The following MLLT10 variants were observed in gnomAD, a reference collection of about 807,000 sequenced individuals.
MLLT10 encodes the protein MLLT10 histone lysine methyltransferase DOT1L cofactor.
MLLT10 carries 30 observed loss-of-function variants against 129.1 expected under a neutral mutation model. The ratio of observed to expected loss-of-function variants is 0.23; its 90% CI spans 0.17 to 0.32. The LOEUF is 0.32. MLLT10 is among the 10% of genes least tolerant of loss of function. The pLI is 1.00. For synonymous variants in MLLT10, 490 were observed against 446.4 expected (o/e 1.10, Z -1.23); for missense variants, 1,119 against 1,268.3 (o/e 0.88, Z 1.79).
At position 21,740,246 on chromosome 10, in the gene MLLT10, T is replaced by C; in HGVS notation, c.3162+10T>C. 6.2e-7 allele frequency: 1 copy of C among 1,609,942 alleles called. No individual in the cohort carries two copies. On this transcript the variant is annotated intron_variant, in intron 22 of 22. Coordinates refer to ENST00000307729, the MANE Select transcript of MLLT10 (RefSeq NM_001195626.3). The stretch of plus-strand genomic sequence containing the variant: ...AAGTCAGAAAGTAGCAGTAAGTATA[T>C]TTTCCTTACTACATCTAATGAAACA...
chr10:21,594,727 G>A (rs555636160), intron 4 of MLLT10, among the ~76,000 whole-genome samples: 1 of 146,792 alleles, frequency 6.8e-6, no homozygotes, highest in African/African-American at 2.5e-5. Flanking sequence ...ACCTTCAGTC[G>A]GGAGGCTGAG....
At chr10:21,612,556 T>G (rs1050600670) in intron 6 of MLLT10, 105 bp downstream of exon 6, 1 of 589,768 alleles carries the variant, frequency 1.7e-6, no homozygotes, top group Non-Finnish European at 2.9e-6. Context: ...TGGTAAACTT[T>G]ATTGGTATAG....
chr10:21,536,092 C>T (rs2033943758), intron 2 of MLLT10, among the ~76,000 whole-genome samples: 1 of 152,100 alleles, frequency 6.6e-6, no homozygotes, highest in Non-Finnish European at 1.5e-5. Context: ...ACAAGCACAC[C>T]CTAGCACACC....
chr10:21,692,284 G>C (rs1223471312), intron 13 of MLLT10, among the ~76,000 whole-genome samples: 1 of 152,010 alleles, frequency 6.6e-6, no homozygotes, highest in East Asian at 1.9e-4. Flanking sequence ...GCAAAAAGTT[G>C]CAAGTACTGG....
intron 8 of MLLT10, among the ~76,000 whole-genome samples, chr10:21,617,780 A>G (rs1230651868): frequency 1.3e-5 from 2 of 152,116 alleles, no homozygotes; most frequent in African/African-American, 2.4e-5. Flanking sequence ...TACTTGCTTT[A>G]TAGGAAATAC....
chr10:21,735,464 A>T (rs1342336132), intron 21 of MLLT10, among the ~76,000 whole-genome samples: 1 of 152,224 alleles, frequency 6.6e-6, no homozygotes, highest in Non-Finnish European at 1.5e-5. Flanking sequence ...CTCTGGTAAC[A>T]CAGTGCTGAG....
intron 4 of MLLT10, among the ~76,000 whole-genome samples, chr10:21,593,405 C>G (rs937560931): frequency 6.6e-6 from 1 of 152,032 alleles, no homozygotes; most frequent in Non-Finnish European, 1.5e-5. Context: ...TAAATTTCCT[C>G]TTTACTTCTG....
At chr10:21,611,285 A>G (rs1472013506) in intron 5 of MLLT10, among the ~76,000 whole-genome samples, 1 of 151,690 alleles carries the variant, frequency 6.6e-6, no homozygotes, top group Non-Finnish European at 1.5e-5. Context: ...CTGGGATTAC[A>G]GGTGTGAGCC....
intron 13 of MLLT10, among the ~76,000 whole-genome samples, chr10:21,694,969 A>T (rs1166790018): frequency 6.6e-6 from 1 of 151,798 alleles, no homozygotes; most frequent in African/African-American, 2.4e-5. Context: ...TGATGAGTTG[A>T]ATCCTTCTCA....
At chr10:21,642,211 G>T (rs2048073579) in intron 8 of MLLT10, among the ~76,000 whole-genome samples, 1 of 151,994 alleles carries the variant, frequency 6.6e-6, no homozygotes, top group South Asian at 2.1e-4. Context: ...AAATTAGCCA[G>T]ACGTGGTGGC....
intron 14 of MLLT10, among the ~76,000 whole-genome samples, chr10:21,724,652 C>T (rs1015366601): frequency 1.8e-4 from 27 of 152,256 alleles, no homozygotes; most frequent in Admixed American, 3.9e-4. Context: ...AGAATTATTT[C>T]AGGCCACTGA....
intron 8 of MLLT10, among the ~76,000 whole-genome samples, chr10:21,623,462 C>G (rs1237799393): frequency 6.6e-6 from 1 of 152,194 alleles, no homozygotes; most frequent in Admixed American, 6.5e-5. Flanking sequence ...AAAAAATGCT[C>G]TTATCACCCC....
At chr10:21,643,261 G>C (rs930093686) in intron 8 of MLLT10, among the ~76,000 whole-genome samples, 1 of 152,164 alleles carries the variant, frequency 6.6e-6, no homozygotes, top group Admixed American at 6.5e-5. Flanking sequence ...TCGAACTCCT[G>C]ACCTCAAGTA....
rs569862368 is a variant in MLLT10, at chr10:21,664,175, A to G, written c.796-6274A>G. Among the ~76,000 whole-genome samples the G allele has an allele frequency of 3.7e-4, 56 of 152,094 alleles. No homozygotes were observed. The South Asian group carries it at 6.2e-3, about 17-fold the overall frequency. Reference sequence around the variant, plus strand: ...TTATTTAGTTTAGAAATATTTGGATATTCACTTTGTTACTGATTTCTAATT... The same window carrying G: ...TTATTTAGTTTAGAAATATTTGGATGTTCACTTTGTTACTGATTTCTAATT... On this transcript the variant is annotated intron_variant, in intron 9 of 22. Coordinates refer to ENST00000307729, the MANE Select transcript of MLLT10 (RefSeq NM_001195626.3).
At chr10:21,638,993 A>C (rs1286809428) in intron 8 of MLLT10, among the ~76,000 whole-genome samples, 1 of 152,120 alleles carries the variant, frequency 6.6e-6, no homozygotes, top group African/African-American at 2.4e-5. Context: ...AAGACCCATT[A>C]ACTGCCTAGT....
At chr10:21,637,745 G>A (rs2047594050) in intron 8 of MLLT10, among the ~76,000 whole-genome samples, 2 of 152,178 alleles carry the variant, frequency 1.3e-5, no homozygotes, top group Admixed American at 1.3e-4. Flanking sequence ...TGATCCTTAG[G>A]TATGAGTGTT....
intron 3 of MLLT10, among the ~76,000 whole-genome samples, chr10:21,570,769 T>C (rs2040117262): frequency 6.6e-6 from 1 of 152,162 alleles, no homozygotes. Context: ...ATCATCATAA[T>C]TGTTTTAAAG....
At chr10:21,672,383 A>G (rs1163990966) in intron 10 of MLLT10, among the ~76,000 whole-genome samples, 6 of 152,026 alleles carry the variant, frequency 3.9e-5, no homozygotes, top group African/African-American at 1.4e-4. Flanking sequence ...ATGCGTCACC[A>G]TGCCCAGCTC....
rs1482450884 is a variant in MLLT10 at position 21,615,416 on chromosome 10, C to A, written c.603+492C>A. Among the ~76,000 whole-genome samples the A allele has an allele frequency of 2.4e-5, 3 of 127,654 alleles. No individual in the cohort carries two copies. In the East Asian group the frequency reaches 7.1e-4, roughly 30 times the overall value. 83.7% of individuals were successfully genotyped at this position (127,654 alleles called of 152,430 possible). ...AGGTTGCAGTGAGCCGAGATCCTGC[C>A]ATTACACTCCAGCCTGGGAAACAAG... On this transcript the variant is annotated intron_variant, in intron 7 of 22. Transcript: ENST00000307729.
Sources: allele counts gnomAD v4.1 joint callset (sites outside exome capture counted in the v4.1 genomes callset), GRCh38; gene constraint gnomAD v4.1.1; transcripts MANE v1.5; gene names NCBI Gene and HGNC (gene_info 2026-07-23, HGNC 2026-07-21).